HS6ST3: variants seen among roughly 807,000 people sequenced by gnomAD.
The protein encoded by HS6ST3 is heparan-sulfate 6-O-sulfotransferase 3.
HS6ST3 carries 12 observed loss-of-function variants against 36.7 expected under a neutral mutation model. The ratio of observed to expected loss-of-function variants is 0.33; its 90% confidence interval spans 0.21 to 0.53. The LOEUF (loss-of-function observed/expected upper bound fraction) is 0.53. Among genes scored for constraint, HS6ST3 ranks in the 20% least tolerant of loss-of-function variants. The pLI is 0.95. For synonymous variants in HS6ST3, 240 were observed against 257.5 expected, an observed-to-expected ratio of 0.93 and a Z score of 0.65; for missense variants, 584 against 640.9, an observed-to-expected ratio of 0.91 and a Z score of 0.96.
chr13:96,390,696 C>T (rs1050927949), intron 1 of HS6ST3, among the ~76,000 whole-genome samples: 1 of 152,166 alleles, frequency 6.6e-6, no homozygotes, highest in Non-Finnish European at 1.5e-5. Context: ...GTCACCAAAT[C>T]CTGCTATTTT....
In HS6ST3 at chr13:96,091,443, CG is replaced by C; in HGVS notation, c.582del (p.Trp195GlyfsTer58). The C allele has an allele frequency of 6.2e-7, 1 of 1,611,396 alleles. No homozygotes were observed. ...TGCCACCGGCCTGGCAAGAAGGAGA[CG>C]TGGCTCTTCTCCCGCTTCTCCACCG... Reference protein sequence around the residue: ...CTCHRPGKKETWLFSRFSTGW... With the variant: ...CTCHRPGKKEXWLFSRFSTGW... On this transcript the variant is annotated frameshift_variant, in exon 1 of 2. Coordinates refer to ENST00000376705, the MANE Select transcript of HS6ST3 (RefSeq NM_153456.4). LOFTEE classifies it high-confidence loss of function.
chr13:96,642,773 C>T (rs2056574741), intron 1 of HS6ST3, among the ~76,000 whole-genome samples: 1 of 151,678 alleles, frequency 6.6e-6, no homozygotes, highest in Non-Finnish European at 1.5e-5. Flanking sequence ...TATTGATATT[C>T]TCTATTTGGT....
Position 96,670,853 on chromosome 13 carries a change from A to G in HS6ST3, c.708-161637A>G, listed in dbSNP as rs111245267. On this transcript the variant is annotated intron_variant, in intron 1 of 1. Coordinates refer to ENST00000376705, the MANE Select transcript of HS6ST3 (RefSeq NM_153456.4). ...GAAAATGTTTTGCATCTGTGCAGCCAGAGGTCCTGCAAGTGCTTTCTGCTG... is the reference window on the plus strand; with the variant it reads ...GAAAATGTTTTGCATCTGTGCAGCCGGAGGTCCTGCAAGTGCTTTCTGCTG... Among the ~76,000 whole-genome samples, 34 of 152,264 alleles carry G rather than the reference A, an allele frequency of 2.2e-4. 1 individual carries two copies. Among genetic ancestry groups the G allele is most frequent in the African/African-American group, 7.7e-4 (32 of 41,572 alleles).
intron 1 of HS6ST3, among the ~76,000 whole-genome samples, chr13:96,406,431 T>A (rs2055478709): frequency 6.6e-6 from 1 of 152,196 alleles, no homozygotes; most frequent in Non-Finnish European, 1.5e-5. Flanking sequence ...GCTGTGAAAA[T>A]ACCAGTGCTA....
At chr13:96,335,703 C>G (rs908819628) in intron 1 of HS6ST3, among the ~76,000 whole-genome samples, 1 of 152,194 alleles carries the variant, frequency 6.6e-6, no homozygotes, top group South Asian at 2.1e-4. Context: ...TATAAATTAG[C>G]TGGAGATTGG....
intron 1 of HS6ST3, among the ~76,000 whole-genome samples, chr13:96,410,216 T>G (rs2139461647): frequency 6.6e-6 from 1 of 152,162 alleles, no homozygotes; most frequent in South Asian, 2.1e-4. Context: ...TGTAGAACAC[T>G]TAGACAATAC....
At chr13:96,800,000 A>ATATATATATATGTG (rs1439454258) in intron 1 of HS6ST3, among the ~76,000 whole-genome samples, 21 of 89,362 alleles carry the variant, frequency 2.3e-4, no homozygotes, top group African/African-American at 6.0e-4. Context: ...ATATATATGT[A>ATATATATATATGTG]TATATATATA....
intron 1 of HS6ST3, among the ~76,000 whole-genome samples, chr13:96,331,901 C>T (rs573797868): frequency 1.3e-5 from 2 of 152,328 alleles, no homozygotes; most frequent in East Asian, 1.9e-4. Context: ...TTTTTTAAGC[C>T]GGTCTGAAAA....
At chr13:96,738,960 C>T (rs1242862838) in intron 1 of HS6ST3, among the ~76,000 whole-genome samples, 1 of 152,114 alleles carries the variant, frequency 6.6e-6, no homozygotes, top group Non-Finnish European at 1.5e-5. Flanking sequence ...GTTGTTGTTC[C>T]ACTAAAACTC....
At chr13:96,468,812 T>C (rs2055826959) in intron 1 of HS6ST3, among the ~76,000 whole-genome samples, 1 of 152,158 alleles carries the variant, frequency 6.6e-6, no homozygotes, top group Non-Finnish European at 1.5e-5. Context: ...ACATAAAATA[T>C]AACAGCTCAC....
chr13:96,537,535 C>G (rs1028596562), intron 1 of HS6ST3, among the ~76,000 whole-genome samples: 1 of 152,182 alleles, frequency 6.6e-6, no homozygotes, highest in African/African-American at 2.4e-5. Context: ...CCATTAAAAT[C>G]ATTTATTCTA....
intron 1 of HS6ST3, among the ~76,000 whole-genome samples, chr13:96,441,979 A>T (rs1449719018): frequency 2.0e-5 from 3 of 152,154 alleles, no homozygotes; most frequent in African/African-American, 7.2e-5. Context: ...AATTGTCACA[A>T]ATTCTCACAT....
chr13:96,648,596 C>A (rs2056597132), intron 1 of HS6ST3, among the ~76,000 whole-genome samples: 1 of 151,788 alleles, frequency 6.6e-6, no homozygotes, highest in Non-Finnish European at 1.5e-5. Flanking sequence ...CAACCCATCA[C>A]CTAGGTATTA....
chr13:96,742,749 A>G (rs1017656572), intron 1 of HS6ST3, among the ~76,000 whole-genome samples: 2 of 152,126 alleles, frequency 1.3e-5, no homozygotes, highest in Admixed American at 6.6e-5. Context: ...TTTTATGATT[A>G]GGGATATTAA....
intron 1 of HS6ST3, among the ~76,000 whole-genome samples, chr13:96,355,030 T>C (rs2055202732): frequency 6.6e-6 from 1 of 152,186 alleles, no homozygotes; most frequent in Non-Finnish European, 1.5e-5. Flanking sequence ...TTAGAATGTG[T>C]CCACCTCCAG....
intron 1 of HS6ST3, among the ~76,000 whole-genome samples, chr13:96,650,827 A>T (rs2056604758): frequency 6.6e-6 from 1 of 152,096 alleles, no homozygotes; most frequent in Non-Finnish European, 1.5e-5. Context: ...GTAAAACTAT[A>T]TAATACAAGT....
At chr13:96,405,358 G>A (rs1283542926) in intron 1 of HS6ST3, among the ~76,000 whole-genome samples, 2 of 152,100 alleles carry the variant, frequency 1.3e-5, no homozygotes, top group Non-Finnish European at 2.9e-5. Flanking sequence ...TTTGTGGCAG[G>A]TTGAACAATA....
At chr13:96,681,698 A>G (rs1362714791) in intron 1 of HS6ST3, among the ~76,000 whole-genome samples, 2 of 152,120 alleles carry the variant, frequency 1.3e-5, no homozygotes, top group Non-Finnish European at 2.9e-5. Flanking sequence ...TGGAGTGGAA[A>G]TCTGGAGCTC....
chr13:96,690,421 A>G (rs987026528), intron 1 of HS6ST3, among the ~76,000 whole-genome samples: 2 of 152,138 alleles, frequency 1.3e-5, no homozygotes, highest in African/African-American at 2.4e-5. Context: ...ACACTATTGC[A>G]TGACTCTCTT....
Sources: allele counts gnomAD v4.1 joint callset (sites outside exome capture counted in the v4.1 genomes callset), GRCh38; gene constraint gnomAD v4.1.1; transcripts MANE v1.5; gene names NCBI Gene and HGNC (gene_info 2026-07-23, HGNC 2026-07-21).